Variants in BPNT1 observed in about 807,000 individuals in gnomAD.
BPNT1 encodes 3'(2'),5'-bisphosphate nucleotidase 1.
BPNT1 carries 28 observed loss-of-function variants against 36.9 expected under a neutral mutation model. The observed-to-expected ratio is 0.76, with a 90% CI of 0.56 to 1.04. The LOEUF is 1.04. BPNT1 is among the 50% of genes least tolerant of loss of function. The pLI, the probability that BPNT1 is intolerant of heterozygous loss-of-function variation, is 0.00. For synonymous variants in BPNT1, 119 were observed against 130.9 expected, an observed-to-expected ratio of 0.91 and a Z score of 0.62; for missense variants, 313 against 372.9, an observed-to-expected ratio of 0.84 and a Z score of 1.32.
chr1:220,077,724 T>C (rs1174858641), intron 2 of BPNT1, among the ~76,000 whole-genome samples: 2 of 152,220 alleles, frequency 1.3e-5, no homozygotes, highest in Non-Finnish European at 2.9e-5. Context: ...TTTCTTATGG[T>C]AACAACCCTA....
chr1:220,078,541 T>TTATATTTATATATA (rs1352983140), intron 2 of BPNT1, among the ~76,000 whole-genome samples: 2 of 131,132 alleles, frequency 1.5e-5, no homozygotes, highest in African/African-American at 5.7e-5. Flanking sequence ...ACATTATATA[T>TTATATTTATATATA]ATTATAATTA....
Position 220,061,978 on chromosome 1 carries a change from G to A in BPNT1, c.672+779C>T, listed in dbSNP as rs190158544. ...CTAAGAGGGTCCTTGGGAAAATAAG[G>A]TCTTTGGCAAGAAGCATGGAGTCAT... On this transcript the variant is annotated intron_variant, in intron 7 of 8. Transcript: ENST00000322067. 1.2e-3 allele frequency among the ~76,000 whole-genome samples: 175 copies of A among 151,588 alleles called. 1 individual carries two copies. The highest frequency in any genetic ancestry group is 8.1e-4 in the Non-Finnish European group (55 of 67,898).
In BPNT1 at chr1:220,078,107, G is replaced by C. The variant is rs1416898115; in HGVS notation, c.120+1620C>G. Among the ~76,000 whole-genome samples the C allele has an allele frequency of 2.0e-5, 3 of 150,260 alleles. No individual in the cohort carries two copies. In the Admixed American group the frequency reaches 2.0e-4, roughly 10 times the overall value. ...AGAGGGTCCTTTGAGCCCAGAGCTTGAGGCTGCAACAAGCTATCAGTAGGA... is the reference window on the plus strand; with the variant it reads ...AGAGGGTCCTTTGAGCCCAGAGCTTCAGGCTGCAACAAGCTATCAGTAGGA... On this transcript the variant is annotated intron_variant, in intron 2 of 8. Transcript: ENST00000322067.
At chr1:220,082,561 T>C (rs986163775) in intron 1 of BPNT1, among the ~76,000 whole-genome samples, 1 of 151,714 alleles carries the variant, frequency 6.6e-6, no homozygotes. Context: ...AATATTTGAT[T>C]TGATGTTTTA....
Position 220,057,919 on chromosome 1 carries a change from T to C in BPNT1, c.*925A>G. On this transcript the variant is annotated 3_prime_UTR_variant, in exon 9 of 9. Transcript: ENST00000322067. ...TAGGCCAGGTGCGGTGGCTCACACC[T>C]GTAATCCCAGCACTTTGGGAGTCCG... 2 of 1,256,608 alleles carry C rather than the reference T, an allele frequency of 1.6e-6. No individual in the cohort carries two copies. The highest frequency in any genetic ancestry group is 2.1e-6 in the Non-Finnish European group (2 of 950,686). 77.8% of individuals were successfully genotyped at this position (1,256,608 alleles called of 1,614,324 possible).
Position 220,069,376 on chromosome 1 carries a change from A to AT in BPNT1, c.382+7dup, listed in dbSNP as rs761724800. Reference sequence around the variant, plus strand: ...ACTGTCAAATATGAATACAAAAGAGATATCAACCTTCGGTATATTCCTTGG... The same window carrying AT: ...ACTGTCAAATATGAATACAAAAGAGATTATCAACCTTCGGTATATTCCTTGG... On this transcript the variant is annotated splice_region_variant and intron_variant, in intron 5 of 8. Transcript: ENST00000322067. 3 of 1,592,646 alleles carry AT rather than the reference A, an allele frequency of 1.9e-6. No individual in the cohort carries two copies. The South Asian group carries it at 3.4e-5, about 18-fold the overall frequency.
chr1:220,084,489 A>T (rs1324051624), intron 1 of BPNT1, among the ~76,000 whole-genome samples: 1 of 152,224 alleles, frequency 6.6e-6, no homozygotes, highest in African/African-American at 2.4e-5. Flanking sequence ...TGTTCTACCC[A>T]GCTGTCTTGA....
intron 2 of BPNT1, among the ~76,000 whole-genome samples, chr1:220,076,556 A>T (rs1664566664): frequency 6.7e-6 from 1 of 150,302 alleles, no homozygotes; most frequent in Non-Finnish European, 1.5e-5. Context: ...GTGGTGGCAC[A>T]TGCCTGTAAT....
Position 220,076,600 on chromosome 1 carries a change from G to A in BPNT1, c.121-2529C>T, listed in dbSNP as rs553030861. On this transcript the variant is annotated intron_variant, in intron 2 of 8. Transcript: ENST00000322067. Reference sequence around the variant, plus strand: ...CCCAGGAGGCTGAGGCAGGAGAATCGCTTGAACCTGGGAGGCAGAGGCTGC... The same window carrying A: ...CCCAGGAGGCTGAGGCAGGAGAATCACTTGAACCTGGGAGGCAGAGGCTGC... Among the ~76,000 whole-genome samples, 317 of 150,672 alleles carry A rather than the reference G, an allele frequency of 2.1e-3. 1 individual carries two copies. Among genetic ancestry groups the A allele is most frequent in the African/African-American group, 6.9e-3 (285 of 41,148 alleles).
intron 2 of BPNT1, 48 bp from the exon 3 acceptor site, chr1:220,074,119 G>T (rs905328039): frequency 6.4e-7 from 1 of 1,551,456 alleles, no homozygotes; most frequent in Non-Finnish European, 8.9e-7. Context: ...AAAATAAGTT[G>T]TCCTCTGATT....
intron 6 of BPNT1, 149 bp from the exon 7 acceptor site, chr1:220,063,103 C>T (rs1663204172): frequency 8.9e-6 from 7 of 783,490 alleles, no homozygotes; most frequent in African/African-American, 8.7e-5. Context: ...AATCCCAGCA[C>T]TTTGGGAGGC....
At chr1:220,080,203 G>T (rs942087047) in intron 1 of BPNT1, among the ~76,000 whole-genome samples, 3 of 152,156 alleles carry the variant, frequency 2.0e-5, no homozygotes, top group Non-Finnish European at 4.4e-5. Flanking sequence ...AATATGAGAT[G>T]TAAGATTTGT....
Position 220,067,432 on chromosome 1 carries a change from C to T in BPNT1, c.383-39G>A, listed in dbSNP as rs765455507. The stretch of plus-strand genomic sequence containing the variant: ...ATAAATATCAGTTATATAACTTGCT[C>T]ATATTATGACTCATCATTACTACAT... On this transcript the variant is annotated intron_variant, in intron 5 of 8. Transcript: ENST00000322067. The T allele has an allele frequency of 2.4e-5, 34 of 1,414,456 alleles. No homozygotes were observed. The South Asian group carries it at 3.3e-4, about 14-fold the overall frequency. 87.6% of individuals were successfully genotyped at this position (1,414,456 alleles called of 1,614,324 possible).
At chr1:220,083,461 C>T (rs991988216) in intron 1 of BPNT1, among the ~76,000 whole-genome samples, 1 of 151,748 alleles carries the variant, frequency 6.6e-6, no homozygotes, top group African/African-American at 2.4e-5. Flanking sequence ...ACTACAGGCA[C>T]CCGCCACTGC....
intron 1 of BPNT1, among the ~76,000 whole-genome samples, chr1:220,087,965 C>T (rs1450486771): frequency 6.6e-6 from 1 of 152,000 alleles, no homozygotes; most frequent in East Asian, 1.9e-4. Flanking sequence ...GCAACCTCTG[C>T]CTCCCGGGTT....
At chr1:220,076,863 C>T (rs916322847) in intron 2 of BPNT1, among the ~76,000 whole-genome samples, 1 of 151,906 alleles carries the variant, frequency 6.6e-6, no homozygotes, top group Admixed American at 6.6e-5. Flanking sequence ...ATGAATACAG[C>T]GCTTTATATT....
chr1:220,088,478 CAA>C (rs58383315), intron 1 of BPNT1, among the ~76,000 whole-genome samples: 36 of 65,510 alleles, frequency 5.5e-4, no homozygotes, highest in East Asian at 1.4e-3. Flanking sequence ...GACTCCGACT[CAA>C]AAAAAAAAAA....
chr1:220,088,904 C>A (rs1459412593), intron 1 of BPNT1, among the ~76,000 whole-genome samples: 1 of 151,140 alleles, frequency 6.6e-6, no homozygotes, highest in Non-Finnish European at 1.5e-5. Context: ...TCGAAACCAT[C>A]CTGACTAACA....
intron 1 of BPNT1, among the ~76,000 whole-genome samples, chr1:220,084,048 T>C (rs1655472763): frequency 6.6e-6 from 1 of 151,850 alleles, no homozygotes; most frequent in African/African-American, 2.4e-5. Flanking sequence ...AACAGAGAAA[T>C]AGGGCGGGGC....
Sources: gnomAD v4.1 joint callset for allele counts (sites outside exome capture counted in the v4.1 genomes callset) on GRCh38, gnomAD v4.1.1 for gene constraint, MANE v1.5 for transcripts, NCBI Gene and HGNC (gene_info 2026-07-23, HGNC 2026-07-21) for gene names.